The following PXN variants were observed in gnomAD, a reference collection of about 807,000 sequenced individuals.
PXN encodes testicular tissue protein Li 134.
PXN carries 61 observed loss-of-function variants against 103.6 expected under a neutral mutation model. The ratio of observed to expected loss-of-function variants is 0.59; its 90% confidence interval spans 0.48 to 0.73. PXN has a LOEUF of 0.73. Among genes scored for constraint, PXN ranks in the 30% least tolerant of loss-of-function variants. PXN has a pLI of 0.00. For synonymous variants in PXN, 562 were observed against 607.8 expected, an observed-to-expected ratio of 0.92 and a Z score of 1.11; for missense variants, 1,274 against 1,460.3, an observed-to-expected ratio of 0.87 and a Z score of 2.08.
In PXN at chr12:120,219,931, G is replaced by A. The variant is rs1214465053; in HGVS notation, c.992C>T (p.Pro331Leu). 2 of 1,597,736 alleles carry A rather than the reference G, an allele frequency of 1.3e-6. No homozygotes were observed. The highest frequency in any genetic ancestry group is 8.5e-7 in the Non-Finnish European group (1 of 1,179,276). Residue 331 changes from proline (P) to leucine (L), a missense_variant, in exon 7 of 15, where the codon CCT becomes CTT. Transcript: ENST00000637617. This position sits in a 1 kb window ranked among gnomAD's most constrained non-coding sequence, Gnocchi z 6.5. ...GCCTCGTCCACTCTGCTCAGTACAA[G>A]GGAACTCCGGAGTGTGGCCCTGGCC... Reference protein sequence around the residue: ...PRGQGHTPEFPCTEQSGRGLL... With the variant: ...PRGQGHTPEFLCTEQSGRGLL...
intron 1 of PXN, among the ~76,000 whole-genome samples, chr12:120,233,061 A>G (rs1227930536): frequency 6.6e-6 from 1 of 151,938 alleles, no homozygotes; most frequent in East Asian, 1.9e-4. Flanking sequence ...TTTCATCACC[A>G]CAGCCAACCA....
In PXN at chr12:120,224,687, C is replaced by T; in HGVS notation, c.14-310G>A. 1 of 608,936 alleles carries T rather than the reference C, an allele frequency of 1.6e-6. No individual in the cohort carries two copies. The highest frequency in any genetic ancestry group is 1.5e-5 in the South Asian group (1 of 65,982). 37.7% of individuals were successfully genotyped at this position (608,936 alleles called of 1,614,324 possible). Reference sequence around the variant, plus strand: ...GGCACTGCGTTCCCTCCTGACAGGGCCGCGCAGCCGCGAGTGAAGTGCCTG... The same window carrying T: ...GGCACTGCGTTCCCTCCTGACAGGGTCGCGCAGCCGCGAGTGAAGTGCCTG... On this transcript the variant is annotated intron_variant, in intron 1 of 14. Coordinates refer to ENST00000637617, the MANE Select transcript of PXN (RefSeq NM_001385981.1). The surrounding 1 kb of genome is among the most constrained non-coding windows in gnomAD (Gnocchi z 5.0).
Position 120,252,840 on chromosome 12 carries a change from A to C in PXN, c.13+12777T>G, listed in dbSNP as rs545704269. Among the ~76,000 whole-genome samples the C allele has an allele frequency of 3.1e-3, 474 of 152,228 alleles. 1 individual carries two copies. Among genetic ancestry groups the C allele is most frequent in the African/African-American group, 0.011 (457 of 41,538 alleles). ...TAATGAAACTCCGTCTCTACTAAAA[A>C]TACAAAAATTAGATGGGCGTGGTGG... On this transcript the variant is annotated intron_variant, in intron 1 of 14. Coordinates refer to ENST00000637617, the MANE Select transcript of PXN (RefSeq NM_001385981.1).
At chr12:120,227,199 C>G (rs149050978) in intron 1 of PXN, 4 of 976,502 alleles carry the variant, frequency 4.1e-6, no homozygotes, top group Admixed American at 6.1e-5. Flanking sequence ...GAGCCTGTCT[C>G]TACAAAAAAT....
chr12:120,223,624 G>A (rs757998437), intron 3 of PXN, 94 bp downstream of exon 3: 102 of 944,282 alleles, frequency 1.1e-4, no homozygotes, highest in Non-Finnish European at 1.6e-4. Flanking sequence ...CAGTTGCTAT[G>A]CCTGCTCCCG....
intron 1 of PXN, among the ~76,000 whole-genome samples, chr12:120,251,519 TA>T (rs1270336748): frequency 2.0e-5 from 3 of 147,252 alleles, no homozygotes; most frequent in Non-Finnish European, 4.5e-5. Flanking sequence ...TCCATCTCAA[TA>T]AATAAATAAA....
intron 1 of PXN, among the ~76,000 whole-genome samples, chr12:120,243,346 G>A (rs1441805508): frequency 6.6e-6 from 1 of 152,188 alleles, no homozygotes; most frequent in Non-Finnish European, 1.5e-5. Flanking sequence ...GACCATTTAA[G>A]TAAAGGACAA....
In PXN at chr12:120,217,526, G is replaced by A. The variant is rs548686171; in HGVS notation, c.1717-410C>T. Among the ~76,000 whole-genome samples the A allele has an allele frequency of 1.3e-5, 2 of 152,270 alleles. No homozygotes were observed. Among genetic ancestry groups the A allele is most frequent in the African/African-American group, 2.4e-5 (1 of 41,526 alleles). ...AGTGCATGCCCTTGACAAGGCATAC[G>A]GCTTTTTCTTTTTTCTTTTTTTTAA... On this transcript the variant is annotated intron_variant, in intron 7 of 14. Transcript: ENST00000637617. This position sits in a 1 kb window ranked among gnomAD's most constrained non-coding sequence, Gnocchi z 4.1.
intron 1 of PXN, among the ~76,000 whole-genome samples, chr12:120,250,615 C>T (rs890087708): frequency 3.9e-5 from 6 of 152,150 alleles, no homozygotes; most frequent in African/African-American, 1.2e-4. Context: ...TCCTCCCCCA[C>T]CACTTCCTCA....
At chr12:120,226,082 T>C (rs1258393328) in intron 1 of PXN, 1 of 1,105,852 alleles carries the variant, frequency 9.0e-7, no homozygotes, top group Non-Finnish European at 1.1e-6. Flanking sequence ...AGGGAGTTGG[T>C]AGGTATCTAG....
chr12:120,215,468 C>T lies in PXN; in HGVS notation c.2403+92G>A, dbSNP rs1414895188. 3 of 1,487,244 alleles carry T rather than the reference C, an allele frequency of 2.0e-6. No individual in the cohort carries two copies. Among genetic ancestry groups the T allele is most frequent in the Non-Finnish European group, 2.7e-6 (3 of 1,122,936 alleles). The allele number at this position is 1,487,244 out of a possible 1,614,324, so 92.1% of individuals were successfully genotyped here. A position where few individuals can be genotyped will look rare whatever the true frequency, so the allele number is the denominator to read the frequency against. Reference sequence around the variant, plus strand: ...ACTCCTGGTGGTCGGAGGGGCCCACCAGGGTCGGAAAGGCTGAGGGCACCC... The same window carrying T: ...ACTCCTGGTGGTCGGAGGGGCCCACTAGGGTCGGAAAGGCTGAGGGCACCC... On this transcript the variant is annotated intron_variant, in intron 10 of 14. Transcript: ENST00000637617. This position sits in a 1 kb window ranked among gnomAD's most constrained non-coding sequence, Gnocchi z 4.9.
At position 120,219,219 on chromosome 12, in the gene PXN, G is replaced by A. The variant is rs1179596689; in HGVS notation, c.1704C>T (p.Ser568=). The part of the protein sequence containing the change: ...MGTPSTTERI[S]TSGQIRSVIR... ...AGCTGGTGCCTGCCTGGCCAGAGGTGGAAATCCTCTCCGTGGTGCTGGGTG... is the reference window on the plus strand; with the variant it reads ...AGCTGGTGCCTGCCTGGCCAGAGGTAGAAATCCTCTCCGTGGTGCTGGGTG... Residue 568 remains serine, a synonymous_variant, in exon 7 of 15, where the codon TCC becomes TCT. Coordinates refer to ENST00000637617, the MANE Select transcript of PXN (RefSeq NM_001385981.1). This position sits in a 1 kb window ranked among gnomAD's most constrained non-coding sequence, Gnocchi z 6.5. 3.2e-6 allele frequency: 5 copies of A among 1,576,918 alleles called. No individual in the cohort carries two copies. The highest frequency in any genetic ancestry group is 2.2e-5 in the South Asian group (2 of 89,814).
chr12:120,226,950 C>G (rs1390373902), intron 1 of PXN: 1 of 989,742 alleles, frequency 1.0e-6, no homozygotes, highest in Non-Finnish European at 1.2e-6. Context: ...GGAGGAAGCT[C>G]CATAGCACAT....
chr12:120,223,082 A>G, intron 3 of PXN, 83 bp from the exon 4 acceptor site: 1 of 1,605,812 alleles, frequency 6.2e-7, no homozygotes, highest in Non-Finnish European at 8.5e-7. Context: ...TCCCAAGGAG[A>G]ACAAGGCAGA....
chr12:120,257,176 C>T (rs1893147351), intron 1 of PXN, among the ~76,000 whole-genome samples: 3 of 152,162 alleles, frequency 2.0e-5, no homozygotes, highest in South Asian at 2.1e-4. Context: ...CAGAGTTCTA[C>T]GATTCAAAAC....
In PXN at chr12:120,214,347, C is replaced by CT. The variant is rs1881732076; in HGVS notation, c.2749-131dup. 5.2e-6 allele frequency: 4 copies of CT among 775,662 alleles called. No individual in the cohort carries two copies. In the East Asian group the frequency reaches 1.1e-4, roughly 21 times the overall value. 48.0% of individuals were successfully genotyped at this position (775,662 alleles called of 1,614,324 possible). The stretch of plus-strand genomic sequence containing the variant: ...AGCAAAACACTCCCAAGATGGGGGT[C>CT]TCTCCTAATTGTGCTGTGAATGCCT... On this transcript the variant is annotated intron_variant, in intron 12 of 14. Coordinates refer to ENST00000637617, the MANE Select transcript of PXN (RefSeq NM_001385981.1). The surrounding 1 kb of genome is among the most constrained non-coding windows in gnomAD (Gnocchi z 5.0).
At chr12:120,232,613 C>G (rs912042497) in intron 1 of PXN, among the ~76,000 whole-genome samples, 1 of 152,160 alleles carries the variant, frequency 6.6e-6, no homozygotes, top group Non-Finnish European at 1.5e-5. Flanking sequence ...CAAATCGACC[C>G]CAGCCCATTC....
In PXN at chr12:120,221,722, G is replaced by A; in HGVS notation, c.732C>T (p.Ser244=). 1.3e-6 allele frequency: 2 copies of A among 1,573,440 alleles called. No individual in the cohort carries two copies. Among genetic ancestry groups the A allele is most frequent in the Non-Finnish European group, 1.7e-6 (2 of 1,159,958 alleles). The change falls in exon 6 of 15, where the codon AGC becomes AGT. Residue 244 remains serine, a synonymous_variant. Coordinates refer to ENST00000637617, the MANE Select transcript of PXN (RefSeq NM_001385981.1). The surrounding 1 kb of genome is among the most constrained non-coding windows in gnomAD (Gnocchi z 6.6). ...AITVNQGEMS[S]PQRVTSTQQQ... ...GTTGGGTGGAGGTGACGCGCTGCGGGCTGCTCATCTCGCCCTGGTTCACAG... is the reference window on the plus strand; with the variant it reads ...GTTGGGTGGAGGTGACGCGCTGCGGACTGCTCATCTCGCCCTGGTTCACAG...
At chr12:120,258,444 C>T (rs975571628) in intron 1 of PXN, among the ~76,000 whole-genome samples, 8 of 152,206 alleles carry the variant, frequency 5.3e-5, no homozygotes, top group African/African-American at 1.9e-4. Flanking sequence ...CACCTGAGGC[C>T]CCCCCAGCTA....
Sources: allele counts gnomAD v4.1 joint callset (sites outside exome capture counted in the v4.1 genomes callset), GRCh38; gene constraint gnomAD v4.1.1; non-coding constraint Gnocchi (gnomAD v3.1); transcripts MANE v1.5; gene names NCBI Gene and HGNC (gene_info 2026-07-23, HGNC 2026-07-21).